ADCYAP1: variants seen among roughly 807,000 people sequenced by gnomAD.
ADCYAP1 encodes the protein pituitary adenylate cyclase-activating polypeptide.
ADCYAP1 carries 6 observed loss-of-function variants against 18.5 expected under a neutral mutation model. The observed-to-expected ratio is 0.32, with a 90% CI of 0.18 to 0.64. ADCYAP1 has a LOEUF of 0.64. Among genes scored for constraint, ADCYAP1 ranks in the 30% least tolerant of loss-of-function variants. The probability of loss-of-function intolerance (pLI) is 0.77; values close to 1 mark genes in which losing one functional copy is unlikely to be tolerated. For synonymous variants in ADCYAP1, 136 were observed against 113.9 expected, an observed-to-expected ratio of 1.19 and a Z score of -1.24; for missense variants, 314 against 253.6, an observed-to-expected ratio of 1.24 and a Z score of -1.62.
rs551651277 is a variant in ADCYAP1 at position 911,487 on chromosome 18, C to T, written c.*1852C>T. The T allele has an allele frequency of 7.9e-5, 12 of 151,488 alleles. No homozygotes were observed. The highest frequency in any genetic ancestry group is 2.2e-4 in the African/African-American group (9 of 41,354). 9.4% of individuals were successfully genotyped at this position (151,488 alleles called of 1,614,324 possible). A position where few individuals can be genotyped will look rare whatever the true frequency, so the allele number is the denominator to read the frequency against. ...TTAAAGGACCTTTCCTTTTCCTTTA[C>T]GGATTTGATCAGTATGAAGTCATAA... is the stretch of plus-strand genomic sequence containing the variant. On this transcript the variant is annotated 3_prime_UTR_variant, in exon 5 of 5. Transcript: ENST00000450565.
chr18:905,286 C>A, intron 1 of ADCYAP1, 100 bp from the exon 2 acceptor site: 1 of 1,529,376 alleles, frequency 6.5e-7, no homozygotes, highest in Non-Finnish European at 8.7e-7. Flanking sequence ...GCCGGGGCTT[C>A]GCTCCGTCCC....
intron 4 of ADCYAP1, 85 bp from the exon 5 acceptor site, chr18:909,361 G>A: frequency 7.3e-7 from 1 of 1,375,894 alleles, no homozygotes; most frequent in Non-Finnish European, 9.8e-7. Context: ...AGGCTCCCGC[G>A]TGGGGTGGGG....
rs1036753308 is a variant in ADCYAP1, at chr18:907,780, G to C, written c.232G>C (p.Ala78Pro). ...PRAAAAWYRP[A>P]GRRDVAHGIL... Reference sequence around the variant, plus strand: ...CGCCGCCGCCGCCTGGTACCGCCCGGCCGGGAGAAGGTGAGATTCGCGCGG... The same window carrying C: ...CGCCGCCGCCGCCTGGTACCGCCCGCCCGGGAGAAGGTGAGATTCGCGCGG... The change falls in exon 3 of 5, where the codon GCC becomes CCC. Residue 78 changes from alanine to proline, a missense_variant. Transcript: ENST00000450565. The C allele has an allele frequency of 2.8e-6, 4 of 1,443,806 alleles. No individual in the cohort carries two copies. In the African/African-American group the frequency reaches 6.0e-5, roughly 22 times the overall value. The allele number at this position is 1,443,806 out of a possible 1,614,324, so 89.4% of individuals were successfully genotyped here. A position where few individuals can be genotyped will look rare whatever the true frequency, so the allele number is the denominator to read the frequency against.
chr18:904,484 A>G (rs919301461), upstream of ADCYAP1: 12 of 1,289,008 alleles, frequency 9.3e-6, no homozygotes, highest in Admixed American at 2.5e-4. Context: ...GTTCGGATAG[A>G]TTTTTGCGAA....
At position 907,641 on chromosome 18, in the gene ADCYAP1, TC is replaced by T. The variant is rs1191962496; in HGVS notation, c.111-14del. 1.3e-6 allele frequency: 2 copies of T among 1,578,804 alleles called. No individual in the cohort carries two copies. The highest frequency in any genetic ancestry group is 2.3e-5 in the East Asian group (1 of 42,760). On this transcript the variant is annotated splice_polypyrimidine_tract_variant and intron_variant, in intron 2 of 4. Coordinates refer to ENST00000450565, the MANE Select transcript of ADCYAP1 (RefSeq NM_001099733.2). ...GAACTTGCACTGACCACACCTTCTGTCCCCGGCCACCCCGCAGGCCAGAGGA... is the reference window on the plus strand; with the variant it reads ...GAACTTGCACTGACCACACCTTCTGTCCCGGCCACCCCGCAGGCCAGAGGA...
upstream of ADCYAP1, chr18:904,616 C>T (rs1012761645): frequency 5.6e-6 from 7 of 1,254,520 alleles, no homozygotes; most frequent in Admixed American, 1.4e-4. Flanking sequence ...CGCCGACCCT[C>T]GCGGCTGCCT....
At chr18:909,066 G>A (rs1029951541) in intron 4 of ADCYAP1, among the ~76,000 whole-genome samples, 1 of 152,166 alleles carries the variant, frequency 6.6e-6, no homozygotes, top group African/African-American at 2.4e-5. Context: ...AGGGCTCTCC[G>A]GTTACTTTCT....
chr18:911,740 T>C lies in ADCYAP1; in HGVS notation c.*2105T>C, dbSNP rs1057138505. The C allele has an allele frequency of 6.6e-6, 1 of 152,244 alleles. No homozygotes were observed. The highest frequency in any genetic ancestry group is 2.4e-5 in the African/African-American group (1 of 41,466). The allele number at this position is 152,244 out of a possible 1,614,324, so 9.4% of individuals were successfully genotyped here. On this transcript the variant is annotated 3_prime_UTR_variant, in exon 5 of 5. Transcript: ENST00000450565. The stretch of plus-strand genomic sequence containing the variant: ...AATTGCCACGAATCACAGATGGCTA[T>C]TTAGTGGCCCTACAATGCTGCAACA...
rs1458161650 is a variant in ADCYAP1, at chr18:904,949, C to T, written c.-113C>T. 7.7e-7 allele frequency: 1 copy of T among 1,290,836 alleles called. No homozygotes were observed. 80.0% of individuals were successfully genotyped at this position (1,290,836 alleles called of 1,614,324 possible). A position where few individuals can be genotyped will look rare whatever the true frequency, so the allele number is the denominator to read the frequency against. ...GTTCCTGCGGCTTCTGCTCAGACAC[C>T]AACGCCAGACGGCGATGCCTCTCGG... On this transcript the variant is annotated 5_prime_UTR_variant, in exon 1 of 5. Transcript: ENST00000450565.
At chr18:907,612 G>C (rs1216580550) in intron 2 of ADCYAP1, 47 bp from the exon 3 acceptor site, 4 of 1,549,340 alleles carry the variant, frequency 2.6e-6, no homozygotes, top group Non-Finnish European at 3.5e-6. Context: ...GCCGAGCTGG[G>C]GAGGAACTTG....
chr18:909,462 G>A lies in ADCYAP1; in HGVS notation c.358G>A (p.Gly120Ser), dbSNP rs770555030. ...ARGVGGSLGG[G>S]AGDDAEPLSK... ...TGCTTGCAGTGGGAGCCTCGGCGGC[G>A]GCGCGGGGGACGACGCGGAGCCGCT... is the stretch of plus-strand genomic sequence containing the variant. The change falls in exon 5 of 5, where the codon GGC becomes AGC. Residue 120 changes from glycine to serine, a missense_variant. By Grantham distance (56) the Gly-to-Ser change is moderately conservative. Transcript: ENST00000450565. 3.1e-6 allele frequency: 5 copies of A among 1,611,964 alleles called. No individual in the cohort carries two copies. The highest frequency in any genetic ancestry group is 1.7e-5 in the Admixed American group (1 of 59,974).
At chr18:905,609 G>A in intron 2 of ADCYAP1, 113 bp downstream of exon 2, 1 of 1,261,420 alleles carries the variant, frequency 7.9e-7, no homozygotes, top group Non-Finnish European at 1.1e-6. Flanking sequence ...ATCGCCCTCT[G>A]CGCCCCCGGT....
At chr18:905,117 G>T in intron 1 of ADCYAP1, 57 bp downstream of exon 1, 4 of 1,357,610 alleles carry the variant, frequency 2.9e-6, no homozygotes, top group East Asian at 3.1e-5. Context: ...TGATTCTTTC[G>T]CTTGGCATCG....
chr18:905,160 C>G, intron 1 of ADCYAP1, 100 bp downstream of exon 1: 1 of 1,403,240 alleles, frequency 7.1e-7, no homozygotes, highest in Non-Finnish European at 9.3e-7. Flanking sequence ...TCAGCCGGGT[C>G]TGGCTAGTTA....
At position 908,272 on chromosome 18, in the gene ADCYAP1, G is replaced by T; in HGVS notation, c.250G>T (p.Ala84Ser). 6.2e-7 allele frequency: 1 copy of T among 1,611,910 alleles called. No individual in the cohort carries two copies. The highest frequency in any genetic ancestry group is 8.5e-7 in the Non-Finnish European group (1 of 1,179,126). Reference protein sequence around the residue: ...WYRPAGRRDVAHGILNEAYRK... With the variant: ...WYRPAGRRDVSHGILNEAYRK... ...ACTTTGCCTCCCCGTTAGAGATGTC[G>T]CCCACGGGATCCTTAACGAGGCCTA... Residue 84 changes from alanine to serine, a missense_variant, in exon 4 of 5, where the codon GCC (alanine) becomes TCC (serine). Physicochemically the swap from Ala to Ser is moderately conservative, Grantham distance 99. Transcript: ENST00000450565.
chr18:904,806 C>A, upstream of ADCYAP1: 1 of 1,285,812 alleles, frequency 7.8e-7, no homozygotes, highest in Non-Finnish European at 1.0e-6. Context: ...CTGCCTCTCT[C>A]TCTGCGCCCC....
intron 4 of ADCYAP1, 33 bp from the exon 5 acceptor site, chr18:909,413 C>T (rs1360007095): frequency 1.9e-6 from 3 of 1,594,096 alleles, no homozygotes; most frequent in Non-Finnish European, 8.5e-7. Flanking sequence ...GTCTCCCGCC[C>T]CGCCACCCTC....
At chr18:906,823 A>G (rs1909186407) in intron 2 of ADCYAP1, among the ~76,000 whole-genome samples, 1 of 152,238 alleles carries the variant, frequency 6.6e-6, no homozygotes, top group South Asian at 2.1e-4. Context: ...GCGACTGCGA[A>G]GTCGCCAGGC....
chr18:904,648 C>T, upstream of ADCYAP1: 1 of 1,229,852 alleles, frequency 8.1e-7, no homozygotes, highest in Non-Finnish European at 1.0e-6. Context: ...CCTACAAAGG[C>T]GGGCTAGCCG....
Sources: gnomAD v4.1 joint callset for allele counts (sites outside exome capture counted in the v4.1 genomes callset) on GRCh38, gnomAD v4.1.1 for gene constraint, MANE v1.5 for transcripts, NCBI Gene and HGNC (gene_info 2026-07-23, HGNC 2026-07-21) for gene names.